Variants in ZNF670 observed in about 807,000 individuals in gnomAD.
ZNF670 encodes the protein zinc finger protein 670.
A neutral mutation model predicts 10.9 loss-of-function variants in ZNF670; 7 were observed. That is an observed-to-expected ratio of 0.64 (90% CI 0.36 to 1.20). The LOEUF is 1.20. Among genes scored for constraint, ZNF670 ranks in the 50% most tolerant of loss-of-function variants. ZNF670 has a pLI of 0.02. For synonymous variants in ZNF670, 136 were observed against 152.7 expected, an observed-to-expected ratio of 0.89 and a Z score of 0.81; for missense variants, 446 against 458.6, an observed-to-expected ratio of 0.97 and a Z score of 0.25.
chr1:247,075,509 C>G (rs765619714), intron 1 of ZNF670, among the ~76,000 whole-genome samples: 1 of 152,162 alleles, frequency 6.6e-6, no homozygotes, highest in Non-Finnish European at 1.5e-5. Flanking sequence ...CCACAATTCC[C>G]ACATGTGGCA....
chr1:247,062,052 T>G (rs1488017307), intron 1 of ZNF670, among the ~76,000 whole-genome samples: 2 of 152,222 alleles, frequency 1.3e-5, no homozygotes, highest in Non-Finnish European at 1.5e-5. Flanking sequence ...CCGATGGTTG[T>G]CCCGTAGGAT....
At chr1:247,066,248 C>T (rs4925529) in intron 1 of ZNF670, among the ~76,000 whole-genome samples, 2 of 152,094 alleles carry the variant, frequency 1.3e-5, no homozygotes, top group Admixed American at 1.3e-4. Flanking sequence ...AAGGTGGGAA[C>T]CCCACCCAGG....
At chr1:247,040,130 A>G (rs544319067) in intron 1 of ZNF670, among the ~76,000 whole-genome samples, 24 of 152,292 alleles carry the variant, frequency 1.6e-4, no homozygotes, top group Non-Finnish European at 2.9e-4. Flanking sequence ...TCTGAAAAAC[A>G]CTCTGAGCAT....
intron 1 of ZNF670, among the ~76,000 whole-genome samples, chr1:247,054,417 C>T (rs77527514): frequency 0.021 from 3,241 of 152,284 alleles, 58 homozygotes; most frequent in Non-Finnish European, 0.028. Context: ...TGAGGAGAGG[C>T]GAGGGAAGAG....
In ZNF670 at chr1:247,036,749, A is replaced by G. The variant is rs1670159602; in HGVS notation, c.*700T>C. On this transcript the variant is annotated 3_prime_UTR_variant, in exon 4 of 4. Transcript: ENST00000366503. The stretch of plus-strand genomic sequence containing the variant: ...GAATAAAGGAAAGAAAATGAAAATA[A>G]CAATGTACATGAGACTATATAAACT... The G allele has an allele frequency of 6.6e-6, 1 of 152,202 alleles. No homozygotes were observed. Among genetic ancestry groups the G allele is most frequent in the Admixed American group, 6.6e-5 (1 of 15,266 alleles). The allele number at this position is 152,202 out of a possible 1,614,324, so 9.4% of individuals were successfully genotyped here.
At chr1:247,063,777 A>T (rs1670920036) in intron 1 of ZNF670, among the ~76,000 whole-genome samples, 1 of 151,942 alleles carries the variant, frequency 6.6e-6, no homozygotes, top group Admixed American at 6.6e-5. Context: ...CTCCACACAA[A>T]CCCTGCACAC....
intron 1 of ZNF670, among the ~76,000 whole-genome samples, chr1:247,068,111 A>C (rs1385434103): frequency 1.3e-5 from 2 of 150,552 alleles, no homozygotes; most frequent in East Asian, 1.9e-4. Context: ...TGAGCTCAGG[A>C]GTTTGAGACC....
intron 1 of ZNF670, among the ~76,000 whole-genome samples, chr1:247,065,118 T>A (rs1213488384): frequency 6.6e-6 from 1 of 152,182 alleles, no homozygotes; most frequent in Non-Finnish European, 1.5e-5. Context: ...GGTCTATGCA[T>A]GTTCAACCAA....
In ZNF670 at chr1:247,054,950, T is replaced by C. The variant is rs960140984; in HGVS notation, c.4-15413A>G. Reference sequence around the variant, plus strand: ...TACCAAGGGAGGAAAAAAGGAAAACTAGTTGGGCAGACAGCTAAAAACTGG... The same window carrying C: ...TACCAAGGGAGGAAAAAAGGAAAACCAGTTGGGCAGACAGCTAAAAACTGG... On this transcript the variant is annotated intron_variant, in intron 1 of 3. Coordinates refer to ENST00000366503, the MANE Select transcript of ZNF670 (RefSeq NM_033213.5). Among the ~76,000 whole-genome samples, 6 of 151,888 alleles carry C rather than the reference T, an allele frequency of 4.0e-5. No homozygotes were observed. The East Asian group carries it at 9.7e-4, about 24-fold the overall frequency.
At chr1:247,061,387 T>TG (rs1670856431) in intron 1 of ZNF670, among the ~76,000 whole-genome samples, 1 of 152,116 alleles carries the variant, frequency 6.6e-6, no homozygotes, top group African/African-American at 2.4e-5. Flanking sequence ...TTCACCATCT[T>TG]GGCCAGGCTA....
In ZNF670 at chr1:247,035,767, C is replaced by A. The variant is rs1217746756; in HGVS notation, c.*1682G>T. Among the ~76,000 whole-genome samples, 2 of 152,134 alleles carry A rather than the reference C, an allele frequency of 1.3e-5. No homozygotes were observed. Among genetic ancestry groups the A allele is most frequent in the Non-Finnish European group, 1.5e-5 (1 of 68,024 alleles). On this transcript the variant is annotated 3_prime_UTR_variant, in exon 4 of 4. Transcript: ENST00000366503. ...TGACTATAAATGCAAAAGGCCCCAA[C>A]AATACACTGGAAAATTGAACGTTAT...
In ZNF670 at chr1:247,038,127, AG is replaced by A. The variant is rs762193565; in HGVS notation, c.491del (p.Thr164IlefsTer121). 6.2e-7 allele frequency: 1 copy of A among 1,614,176 alleles called. No homozygotes were observed. Among genetic ancestry groups the A allele is most frequent in the Admixed American group, 1.7e-5 (1 of 60,028 alleles). On this transcript the variant is annotated frameshift_variant, in exon 4 of 4. Transcript: ENST00000366503. LOFTEE classifies it low-confidence loss of function (END_TRUNC). ...TSVDRHMVTHTSNGPYKGPVY... is the reference protein window; with the variant it reads ...TSVDRHMVTHXSNGPYKGPVY... ...CTGGACCCTTATAAGGCCCATTACT[AG>A]TGTGTGTTACCATGTGTCTGTCAAC...
At chr1:247,059,579 C>CT in intron 1 of ZNF670, among the ~76,000 whole-genome samples, 1 of 152,222 alleles carries the variant, frequency 6.6e-6, no homozygotes, top group Middle Eastern at 3.4e-3. Flanking sequence ...AACCAATTGA[C>CT]TTTATCACAT....
chr1:247,037,234 T>C lies in ZNF670; in HGVS notation c.*215A>G. 1 of 476,932 alleles carries C rather than the reference T, an allele frequency of 2.1e-6. No homozygotes were observed. The highest frequency in any genetic ancestry group is 3.6e-6 in the Non-Finnish European group (1 of 279,998). 29.5% of individuals were successfully genotyped at this position (476,932 alleles called of 1,614,324 possible). A position where few individuals can be genotyped will look rare whatever the true frequency, so the allele number is the denominator to read the frequency against. On this transcript the variant is annotated 3_prime_UTR_variant, in exon 4 of 4. Coordinates refer to ENST00000366503, the MANE Select transcript of ZNF670 (RefSeq NM_033213.5). ...TGGGAAAATAAAGTGTTCTAACACA[T>C]TTTTCGTATTTTATGACGTTCTTTC...
rs201492567 is a variant in ZNF670 at position 247,039,063 on chromosome 1, T to TC, written c.131-194_131-193insG. Among the ~76,000 whole-genome samples the TC allele has an allele frequency of 2.8e-3, 421 of 148,184 alleles. 4 individuals are homozygous for TC. Among genetic ancestry groups the TC allele is most frequent in the African/African-American group, 0.01 (406 of 40,264 alleles). On this transcript the variant is annotated intron_variant, in intron 2 of 3. Transcript: ENST00000366503. ...TTCTTTTCTTTTTTCTTTCTTTCTT[T>TC]TTTTTTTTTTTTTGAGACAGATTGT...
Position 247,034,798 on chromosome 1 carries a change from T to C in ZNF670, c.*2651A>G, listed in dbSNP as rs2103048404. On this transcript the variant is annotated 3_prime_UTR_variant, in exon 4 of 4. Transcript: ENST00000366503. The stretch of plus-strand genomic sequence containing the variant: ...CATGGCTACTCCAAGCATCCAGTGA[T>C]GGCAACCAAACGAGATGCAGTTACC... Among the ~76,000 whole-genome samples the C allele has an allele frequency of 6.6e-6, 1 of 152,348 alleles. No individual in the cohort carries two copies. The highest frequency in any genetic ancestry group is 1.9e-4 in the East Asian group (1 of 5,184).
At chr1:247,046,640 C>A (rs1670456676) in intron 1 of ZNF670, among the ~76,000 whole-genome samples, 1 of 152,206 alleles carries the variant, frequency 6.6e-6, no homozygotes, top group Non-Finnish European at 1.5e-5. Flanking sequence ...CAGGCAGCCT[C>A]TACTAGGGCA....
chr1:247,078,357 G>C (rs891608266), intron 1 of ZNF670, among the ~76,000 whole-genome samples: 2 of 152,162 alleles, frequency 1.3e-5, no homozygotes, highest in African/African-American at 4.8e-5. Context: ...GGGAGATGCG[G>C]GTCTACAGAG....
intron 1 of ZNF670, chr1:247,043,895 T>C: frequency 3.2e-6 from 1 of 312,164 alleles, no homozygotes; most frequent in Non-Finnish European, 6.2e-6. Flanking sequence ...CTGAATCTGA[T>C]ATTAAACATA....
Sources: gnomAD v4.1 joint callset for allele counts (sites outside exome capture counted in the v4.1 genomes callset) on GRCh38, gnomAD v4.1.1 for gene constraint, MANE v1.5 for transcripts, NCBI Gene and HGNC (gene_info 2026-07-23, HGNC 2026-07-21) for gene names.